Variants in SCG5 observed in about 807,000 individuals in gnomAD.
SCG5 encodes the protein secretogranin V, also known as neuroendocrine protein 7B2.
SCG5 carries 18 observed loss-of-function variants against 25.7 expected under a neutral mutation model. That is an observed-to-expected ratio of 0.70 (90% CI 0.48 to 1.04). The LOEUF is 1.04. Among genes scored for constraint, SCG5 ranks in the 50% least tolerant of loss-of-function variants. The probability of loss-of-function intolerance (pLI) is 0.00; values close to 1 mark genes in which losing one functional copy is unlikely to be tolerated. For missense variants in SCG5, 206 were observed against 259.8 expected (o/e 0.79, Z 1.42); for synonymous variants, 101 against 91.7 (o/e 1.10, Z -0.58).
In SCG5 at chr15:32,696,767, G is replaced by A. The variant is rs974089900; in HGVS notation, c.*158G>A. On this transcript the variant is annotated 3_prime_UTR_variant, in exon 6 of 6. Transcript: ENST00000300175. Reference sequence around the variant, plus strand: ...GTAGATAGTGTATTGTCTTCACACCGATGATTCTGCTTTTTGCTAAATTAG... The same window carrying A: ...GTAGATAGTGTATTGTCTTCACACCAATGATTCTGCTTTTTGCTAAATTAG... 9.1e-6 allele frequency: 4 copies of A among 438,412 alleles called. No individual in the cohort carries two copies. Among genetic ancestry groups the A allele is most frequent in the Middle Eastern group, 3.0e-4 (1 of 3,302 alleles). 27.2% of individuals were successfully genotyped at this position (438,412 alleles called of 1,614,324 possible).
At chr15:32,661,103 T>C (rs2054209897) in intron 2 of SCG5, among the ~76,000 whole-genome samples, 1 of 152,212 alleles carries the variant, frequency 6.6e-6, no homozygotes, top group Non-Finnish European at 1.5e-5. Context: ...TCAGAAATCA[T>C]ATGCAGATGA....
intron 5 of SCG5, among the ~76,000 whole-genome samples, chr15:32,694,377 A>G (rs1024254250): frequency 6.6e-6 from 1 of 152,212 alleles, no homozygotes. Context: ...ATCCAATTGA[A>G]TTCCTCATTG....
chr15:32,642,844 G>T (rs1209118744), intron 1 of SCG5, among the ~76,000 whole-genome samples: 1 of 152,066 alleles, frequency 6.6e-6, no homozygotes, highest in African/African-American at 2.4e-5. Context: ...CTCATTCTGT[G>T]CCTGGCATTG....
At chr15:32,650,577 T>C (rs1421854604) in intron 2 of SCG5, among the ~76,000 whole-genome samples, 1 of 152,226 alleles carries the variant, frequency 6.6e-6, no homozygotes, top group Non-Finnish European at 1.5e-5. Context: ...AGCCACCAAC[T>C]GTCCAGGGGA....
Position 32,691,771 on chromosome 15 carries a change from G to C in SCG5, c.543+8G>C. The stretch of plus-strand genomic sequence containing the variant: ...GAGAGACGAAAGCGGAGGGTAACAC[G>C]TGCCTGGCTGGATTGTTGCGGGGAT... On this transcript the variant is annotated splice_region_variant and intron_variant, in intron 5 of 5. Coordinates refer to ENST00000300175, the MANE Select transcript of SCG5 (RefSeq NM_001144757.3). The C allele has an allele frequency of 6.2e-7, 1 of 1,612,166 alleles. No individual in the cohort carries two copies. Among genetic ancestry groups the C allele is most frequent in the East Asian group, 2.2e-5 (1 of 44,852 alleles).
intron 2 of SCG5, among the ~76,000 whole-genome samples, chr15:32,651,886 G>C (rs1467985779): frequency 6.6e-6 from 1 of 152,244 alleles, no homozygotes; most frequent in Non-Finnish European, 1.5e-5. Flanking sequence ...ATATGGCACA[G>C]GAGAGAAGTC....
intron 2 of SCG5, among the ~76,000 whole-genome samples, chr15:32,658,579 T>C (rs1310221476): frequency 6.6e-6 from 1 of 152,216 alleles, no homozygotes; most frequent in African/African-American, 2.4e-5. Flanking sequence ...AAAGAGCATC[T>C]GGGCACAGTG....
rs1003473864 is a variant in SCG5, at chr15:32,643,520, T to C, written c.-7-66T>C. 1.6e-5 allele frequency: 21 copies of C among 1,289,492 alleles called. No homozygotes were observed. In the African/African-American group the frequency reaches 2.5e-4, roughly 15 times the overall value. The allele number at this position is 1,289,492 out of a possible 1,614,324, so 79.9% of individuals were successfully genotyped here. On this transcript the variant is annotated intron_variant, in intron 1 of 5. Transcript: ENST00000300175. ...ACCACAACCTGGAGTGGTTGCATCA[T>C]TATAATTGTATTATCACAATTGCCG... is the stretch of plus-strand genomic sequence containing the variant.
chr15:32,660,244 G>C (rs2054194691), intron 2 of SCG5, among the ~76,000 whole-genome samples: 1 of 152,128 alleles, frequency 6.6e-6, no homozygotes, highest in African/African-American at 2.4e-5. Context: ...AGATGTACCT[G>C]CAGGCAGGGA....
At chr15:32,660,296 C>T (rs1010530425) in intron 2 of SCG5, among the ~76,000 whole-genome samples, 1 of 152,158 alleles carries the variant, frequency 6.6e-6, no homozygotes, top group Non-Finnish European at 1.5e-5. Context: ...GTGACTCTGA[C>T]GAGAGAGTTA....
In SCG5 at chr15:32,687,760, G is replaced by A. The variant is rs80096199; in HGVS notation, c.489+3091G>A. 2.6e-3 allele frequency among the ~76,000 whole-genome samples: 402 copies of A among 152,300 alleles called. 2 individuals carry two copies. Among genetic ancestry groups the A allele is most frequent in the Middle Eastern group, 0.017 (5 of 294 alleles). On this transcript the variant is annotated intron_variant, in intron 4 of 5. Coordinates refer to ENST00000300175, the MANE Select transcript of SCG5 (RefSeq NM_001144757.3). Reference sequence around the variant, plus strand: ...TGATTCACATATTACACATTTCAGTGTCTGTCTTGTTTCCTGCATTTCTCT... The same window carrying A: ...TGATTCACATATTACACATTTCAGTATCTGTCTTGTTTCCTGCATTTCTCT...
intron 3 of SCG5, among the ~76,000 whole-genome samples, chr15:32,680,850 C>G (rs1019381756): frequency 6.6e-6 from 1 of 152,208 alleles, no homozygotes; most frequent in Admixed American, 6.5e-5. Context: ...GCTTCACTTA[C>G]ATCCGGCTTT....
chr15:32,642,440 C>T (rs768938230), intron 1 of SCG5, among the ~76,000 whole-genome samples: 2 of 151,506 alleles, frequency 1.3e-5, no homozygotes, highest in African/African-American at 2.4e-5. Flanking sequence ...TGGTTGTGGG[C>T]GCCTGTAATT....
At chr15:32,649,935 G>T (rs1400887143) in intron 2 of SCG5, among the ~76,000 whole-genome samples, 1 of 152,178 alleles carries the variant, frequency 6.6e-6, no homozygotes, top group African/African-American at 2.4e-5. Context: ...TCTGGTTCGA[G>T]TTGGTGTTTG....
chr15:32,669,291 G>A (rs536023819), intron 2 of SCG5, among the ~76,000 whole-genome samples: 3 of 152,316 alleles, frequency 2.0e-5, no homozygotes, highest in Admixed American at 6.5e-5. Flanking sequence ...GGAAGATGAA[G>A]TGGGAGCTTT....
chr15:32,691,793 G>T, intron 5 of SCG5, 30 bp downstream of exon 5: 1 of 1,608,836 alleles, frequency 6.2e-7, no homozygotes, highest in East Asian at 2.2e-5. Context: ...ATTGTTGCGG[G>T]GATGCTTGGA....
chr15:32,696,609 A>G lies in SCG5; in HGVS notation c.639A>G (p.Ter213=). The change falls in exon 6 of 6, where the codon TAA becomes TAG. Residue 213 remains the stop codon, a stop_retained_variant. Transcript: ENST00000300175. The part of the protein sequence containing the change: ...HFSDEDKDPE[*] ...CAGATGAGGATAAGGATCCAGAGTA[A>G]AGAGAAGATGCTAGACGAAAACCCA... The G allele has an allele frequency of 2.5e-6, 4 of 1,607,996 alleles. No individual in the cohort carries two copies. Among genetic ancestry groups the G allele is most frequent in the Non-Finnish European group, 1.7e-6 (2 of 1,175,426 alleles).
chr15:32,658,992 C>T (rs551991740), intron 2 of SCG5, among the ~76,000 whole-genome samples: 18 of 151,994 alleles, frequency 1.2e-4, no homozygotes, highest in Admixed American at 3.3e-4. Context: ...CTGGCTAACA[C>T]GGTGAAACCC....
At chr15:32,644,603 C>T (rs1192939153) in intron 2 of SCG5, among the ~76,000 whole-genome samples, 2 of 152,080 alleles carry the variant, frequency 1.3e-5, no homozygotes, top group African/African-American at 2.4e-5. Context: ...GGTGATGCAG[C>T]GTTAGACAGA....
Sources: allele counts gnomAD v4.1 joint callset (sites outside exome capture counted in the v4.1 genomes callset), GRCh38; gene constraint gnomAD v4.1.1; transcripts MANE v1.5; gene names NCBI Gene and HGNC (gene_info 2026-07-23, HGNC 2026-07-21).